FOXP2: variants seen among roughly 807,000 people sequenced by gnomAD.
The protein encoded by FOXP2 is forkhead box protein P2.
In FOXP2, 12 loss-of-function variants were observed where a neutral mutation model predicts 115.8. The observed-to-expected ratio is 0.10, with a 90% CI of 0.07 to 0.17. The LOEUF is 0.17. FOXP2 is among the 10% of genes least tolerant of loss of function. The probability of loss-of-function intolerance (pLI) is 1.00; values close to 1 mark genes in which losing one functional copy is unlikely to be tolerated. For missense variants in FOXP2, 629 were observed against 843.5 expected, an observed-to-expected ratio of 0.75 and a Z score of 3.15; for synonymous variants, 328 against 297.7, an observed-to-expected ratio of 1.10 and a Z score of -1.05.
chr7:114,140,258 C>A (rs752168018), intron 1 of FOXP2, among the ~76,000 whole-genome samples: 5 of 151,984 alleles, frequency 3.3e-5, no homozygotes, highest in Non-Finnish European at 7.4e-5. Context: ...ACAATGAGCT[C>A]AGTTTTATTA....
intron 3 of FOXP2, among the ~76,000 whole-genome samples, chr7:114,575,490 A>G (rs1391080483): frequency 8.6e-5 from 13 of 151,818 alleles, no homozygotes. Flanking sequence ...GAGTCTTTAT[A>G]TTAATCGATT....
At chr7:114,666,721 T>C (rs1173630300) in intron 16 of FOXP2, 2 of 152,126 alleles carry the variant, frequency 1.3e-5, no homozygotes, top group South Asian at 2.1e-4. Flanking sequence ...TATCAGAACA[T>C]AGGTTGTAAT....
intron 2 of FOXP2, among the ~76,000 whole-genome samples, chr7:114,389,957 G>A (rs568895608): frequency 4.1e-4 from 61 of 147,178 alleles, no homozygotes; most frequent in African/African-American, 1.4e-3. Flanking sequence ...CTGGGAGGCG[G>A]AGGTTGCTGA....
At chr7:114,459,708 C>T (rs185220177) in intron 2 of FOXP2, among the ~76,000 whole-genome samples, 7 of 150,248 alleles carry the variant, frequency 4.7e-5, no homozygotes, top group South Asian at 2.1e-4. Context: ...CTCCATCTCC[C>T]GGATTTAAGC....
intron 2 of FOXP2, among the ~76,000 whole-genome samples, chr7:114,356,947 C>A (rs1052441738): frequency 5.9e-5 from 9 of 151,998 alleles, no homozygotes; most frequent in Non-Finnish European, 1.3e-4. Context: ...GAAGAGGGGG[C>A]AATTTTGGTG....
At chr7:114,415,744 A>T (rs1793311490) in intron 1 of FOXP2, among the ~76,000 whole-genome samples, 1 of 152,046 alleles carries the variant, frequency 6.6e-6, no homozygotes, top group African/African-American at 2.4e-5. Flanking sequence ...TCAGGGCGCA[A>T]GTTTTTGAAA....
intron 2 of FOXP2, among the ~76,000 whole-genome samples, chr7:114,474,965 T>G (rs1796194854): frequency 6.6e-6 from 1 of 152,078 alleles, no homozygotes; most frequent in Non-Finnish European, 1.5e-5. Flanking sequence ...AAGAGAATGA[T>G]GACAAACTTG....
At chr7:114,619,766 A>T (rs1213366256) in intron 3 of FOXP2, among the ~76,000 whole-genome samples, 1 of 152,088 alleles carries the variant, frequency 6.6e-6, no homozygotes, top group Non-Finnish European at 1.5e-5. Flanking sequence ...AGTATTGTCC[A>T]AAAGTACCAA....
intron 1 of FOXP2, among the ~76,000 whole-genome samples, chr7:114,279,566 A>G (rs1796276098): frequency 6.6e-6 from 1 of 152,162 alleles, no homozygotes; most frequent in Admixed American, 6.6e-5. Flanking sequence ...GCAGCAGGAA[A>G]GTGGCTGCAT....
chr7:114,517,359 G>A (rs181047040), intron 2 of FOXP2, among the ~76,000 whole-genome samples: 138 of 151,994 alleles, frequency 9.1e-4, no homozygotes, highest in African/African-American at 3.0e-3. Context: ...CAATCCCGTC[G>A]GTCTATTTCT....
chr7:114,112,100 T>C (rs1460548030), intron 1 of FOXP2, among the ~76,000 whole-genome samples: 1 of 152,036 alleles, frequency 6.6e-6, no homozygotes, highest in Admixed American at 6.6e-5. Context: ...TTATACTTTG[T>C]CACTAGTGTA....
intron 16 of FOXP2, among the ~76,000 whole-genome samples, chr7:114,682,490 T>C (rs1808138399): frequency 6.6e-6 from 1 of 152,174 alleles, no homozygotes; most frequent in South Asian, 2.1e-4. Context: ...ATTTGAATTG[T>C]CAGGGATGTT....
At chr7:114,126,997 G>A (rs191665166) in intron 1 of FOXP2, among the ~76,000 whole-genome samples, 2 of 152,292 alleles carry the variant, frequency 1.3e-5, no homozygotes, top group African/African-American at 2.4e-5. Context: ...CTCAGCCTCA[G>A]TGTCAGTTAC....
rs1345354755 is a variant in FOXP2, at chr7:114,169,518, A to G, written c.-102+6430A>G. ...TTCCCAATGCCTGTATCTTCATTGT[A>G]TCTAGGAAGTAACTAGCTTGCTTTT... is the stretch of plus-strand genomic sequence containing the variant. On this transcript the variant is annotated intron_variant, in intron 1 of 17. Coordinates refer to the FOXP2 transcript ENST00000634411. Among the ~76,000 whole-genome samples, 9 of 152,136 alleles carry G rather than the reference A, an allele frequency of 5.9e-5. 1 individual carries two copies. The highest frequency in any genetic ancestry group is 2.6e-4 in the Admixed American group (4 of 15,276).
chr7:114,167,818 C>T (rs1562989204), intron 1 of FOXP2, among the ~76,000 whole-genome samples: 1 of 151,826 alleles, frequency 6.6e-6, no homozygotes, highest in Admixed American at 6.6e-5. Flanking sequence ...TGCCTGTAGT[C>T]CCAGCTACTC....
intron 2 of FOXP2, among the ~76,000 whole-genome samples, chr7:114,375,135 G>A (rs749286690): frequency 6.6e-6 from 1 of 152,206 alleles, no homozygotes; most frequent in East Asian, 1.9e-4. Flanking sequence ...TAGAGTATAG[G>A]TTTTAAATAG....
intron 3 of FOXP2, among the ~76,000 whole-genome samples, chr7:114,607,250 G>T (rs1803379978): frequency 6.6e-6 from 1 of 152,178 alleles, no homozygotes; most frequent in Non-Finnish European, 1.5e-5. Flanking sequence ...CTGTTGGGAA[G>T]TGCAAGGCTA....
intron 3 of FOXP2, among the ~76,000 whole-genome samples, chr7:114,618,856 C>G (rs542293558): frequency 3.7e-4 from 57 of 152,154 alleles, no homozygotes; most frequent in African/African-American, 1.4e-3. Flanking sequence ...AGAATTAAGT[C>G]TCTTGAAGGG....
chr7:114,645,887 G>A (rs540528423), intron 8 of FOXP2: 1 of 151,902 alleles, frequency 6.6e-6, no homozygotes, highest in African/African-American at 2.4e-5. Context: ...AACTAATTAA[G>A]AGAAAATTTG....
Sources: allele counts gnomAD v4.1 joint callset (sites outside exome capture counted in the v4.1 genomes callset), GRCh38; gene constraint gnomAD v4.1.1; transcripts MANE v1.5; gene names NCBI Gene and HGNC (gene_info 2026-07-23, HGNC 2026-07-21).